Variants in ETV1 observed in about 807,000 individuals in gnomAD.
ETV1 encodes ETS variant transcription factor 1, also known as ETS translocation variant 1.
A neutral mutation model predicts 62.3 loss-of-function variants in ETV1; 27 were observed. The ratio of observed to expected loss-of-function variants is 0.43; its 90% CI spans 0.32 to 0.60. The LOEUF is 0.60. ETV1 is among the 20% of genes least tolerant of loss of function. The pLI is 0.06. For missense variants in ETV1, 605 were observed against 605.8 expected, an observed-to-expected ratio of 1.00 and a Z score of 0.01; for synonymous variants, 222 against 199.6, an observed-to-expected ratio of 1.11 and a Z score of -0.94.
intron 3 of ETV1, 48 bp from the exon 4 acceptor site, chr7:13,988,221 C>G: frequency 9.0e-7 from 1 of 1,109,412 alleles, no homozygotes; most frequent in Non-Finnish European, 1.4e-6. Context: ...AACCTCAGAT[C>G]ACACACACGC....
chr7:13,958,044 T>A (rs1301109517), intron 6 of ETV1, among the ~76,000 whole-genome samples: 1 of 152,214 alleles, frequency 6.6e-6, no homozygotes, highest in Non-Finnish European at 1.5e-5. Context: ...ATACAAGGCA[T>A]ACATAAATTC....
chr7:13,980,226 G>C (rs1781847836), intron 5 of ETV1, among the ~76,000 whole-genome samples: 1 of 152,160 alleles, frequency 6.6e-6, no homozygotes, highest in Non-Finnish European at 1.5e-5. Flanking sequence ...AAAGGCTTAA[G>C]TATACCTCTA....
At chr7:13,902,686 A>G (rs1294590850) in intron 12 of ETV1, among the ~76,000 whole-genome samples, 2 of 152,194 alleles carry the variant, frequency 1.3e-5, no homozygotes, top group Admixed American at 6.5e-5. Context: ...TCCTTAAACA[A>G]TAATTTCTGA....
At chr7:13,976,073 T>G (rs1781423507) in intron 6 of ETV1, among the ~76,000 whole-genome samples, 1 of 152,174 alleles carries the variant, frequency 6.6e-6, no homozygotes, top group African/African-American at 2.4e-5. Context: ...GGGTGTCTAA[T>G]TAAGGTCTAT....
In ETV1 at chr7:13,922,639, G is replaced by A. The variant is rs953656844; in HGVS notation, c.802+8863C>T. ...ACACACATAGAATGTTCAAGAGGGA[G>A]AAATTATTGATCATGGGCTTTCCAT... On this transcript the variant is annotated intron_variant, in intron 9 of 13. Transcript: ENST00000430479. Among the ~76,000 whole-genome samples the A allele has an allele frequency of 3.9e-5, 6 of 152,308 alleles. No homozygotes were observed. The East Asian group carries it at 1.2e-3, about 29-fold the overall frequency.
intron 9 of ETV1, among the ~76,000 whole-genome samples, chr7:13,928,582 C>G (rs1785711422): frequency 6.6e-6 from 1 of 151,978 alleles, no homozygotes; most frequent in Admixed American, 6.6e-5. Flanking sequence ...CCACTGCACT[C>G]CAGCCTGGCA....
Position 13,894,618 on chromosome 7 carries a change from T to A in ETV1, c.*1248A>T, listed in dbSNP as rs559472760. The A allele has an allele frequency of 8.6e-6, 2 of 232,636 alleles. No homozygotes were observed. The highest frequency in any genetic ancestry group is 4.4e-5 in the African/African-American group (2 of 45,328). The allele number at this position is 232,636 out of a possible 1,614,324, so 14.4% of individuals were successfully genotyped here. Reference sequence around the variant, plus strand: ...CATAAAAGCTGCTTATAGCATAGCATGGCGTAAGCTATTTTTTAAGCAATA... The same window carrying A: ...CATAAAAGCTGCTTATAGCATAGCAAGGCGTAAGCTATTTTTTAAGCAATA... On this transcript the variant is annotated 3_prime_UTR_variant, in exon 14 of 14. Coordinates refer to ENST00000430479, the MANE Select transcript of ETV1 (RefSeq NM_004956.5).
At chr7:13,936,858 T>C (rs1786862106) in intron 7 of ETV1, among the ~76,000 whole-genome samples, 1 of 151,910 alleles carries the variant, frequency 6.6e-6, no homozygotes, top group Non-Finnish European at 1.5e-5. Flanking sequence ...CTGAGCAACA[T>C]GGTGAAACCC....
chr7:13,973,258 A>G (rs559340025), intron 6 of ETV1, among the ~76,000 whole-genome samples: 1 of 152,302 alleles, frequency 6.6e-6, no homozygotes, highest in South Asian at 2.1e-4. Flanking sequence ...GAAGCATCTG[A>G]TTTCATTGAG....
intron 9 of ETV1, among the ~76,000 whole-genome samples, chr7:13,922,922 T>C (rs1399887336): frequency 6.6e-6 from 1 of 152,216 alleles, no homozygotes; most frequent in Non-Finnish European, 1.5e-5. Flanking sequence ...CTAGAACACG[T>C]ATCTCATCTT....
chr7:13,948,659 T>C (rs534371303), intron 6 of ETV1, among the ~76,000 whole-genome samples: 36 of 152,200 alleles, frequency 2.4e-4, no homozygotes, highest in Admixed American at 9.8e-4. Flanking sequence ...CCAAATGGAG[T>C]AGTTGTAACA....
At chr7:13,962,640 C>T (rs1258234749) in intron 6 of ETV1, among the ~76,000 whole-genome samples, 1 of 152,068 alleles carries the variant, frequency 6.6e-6, no homozygotes, top group Non-Finnish European at 1.5e-5. Context: ...AGCAAACATT[C>T]AGGATTCCTG....
chr7:13,927,616 C>G (rs999701679), intron 9 of ETV1, among the ~76,000 whole-genome samples: 5 of 152,106 alleles, frequency 3.3e-5, no homozygotes, highest in Non-Finnish European at 5.9e-5. Context: ...ATTAAGTGTA[C>G]TTTCAGCAAG....
chr7:13,898,412 A>C (rs2128402888), intron 13 of ETV1, among the ~76,000 whole-genome samples: 1 of 152,330 alleles, frequency 6.6e-6, no homozygotes, highest in East Asian at 1.9e-4. Context: ...GTTAAAACAA[A>C]GGGTCTATAA....
intron 3 of ETV1, 193 bp from the exon 4 acceptor site, chr7:13,988,366 T>C (rs6977237): frequency 0.55 from 318,070 of 583,234 alleles, 88,495 homozygotes; most frequent in African/African-American, 0.65. Context: ...AAAGCTTATG[T>C]TAAGCAGGCA....
chr7:13,904,727 C>T (rs1354619769), intron 12 of ETV1, among the ~76,000 whole-genome samples: 1 of 152,000 alleles, frequency 6.6e-6, no homozygotes, highest in East Asian at 1.9e-4. Flanking sequence ...TGAACCAACT[C>T]TTGCAGTGAT....
chr7:13,936,697 A>T (rs2128456944), intron 7 of ETV1, among the ~76,000 whole-genome samples: 1 of 152,296 alleles, frequency 6.6e-6, no homozygotes, highest in East Asian at 1.9e-4. Flanking sequence ...TACTAAAACT[A>T]AATTTTCTTA....
intron 5 of ETV1, 22 bp from the exon 6 acceptor site, chr7:13,977,502 A>T: frequency 1.4e-6 from 2 of 1,380,606 alleles, no homozygotes; most frequent in African/African-American, 2.8e-5. Context: ...AAAGAAAATT[A>T]AAAAAAATTA....
chr7:13,921,868 C>T (rs1784888092), intron 9 of ETV1, among the ~76,000 whole-genome samples: 1 of 152,074 alleles, frequency 6.6e-6, no homozygotes, highest in Non-Finnish European at 1.5e-5. Context: ...TTATTGCTAA[C>T]TTTTTTTCCA....
Sources: gnomAD v4.1 joint callset for allele counts (sites outside exome capture counted in the v4.1 genomes callset) on GRCh38, gnomAD v4.1.1 for gene constraint, MANE v1.5 for transcripts, NCBI Gene and HGNC (gene_info 2026-07-23, HGNC 2026-07-21) for gene names.